GRIP1: variants seen among roughly 807,000 people sequenced by gnomAD.
GRIP1 encodes the protein glutamate receptor interacting protein 1, also known as glutamate receptor-interacting protein 1.
A neutral mutation model predicts 129.9 loss-of-function variants in GRIP1; 45 were observed. The ratio of observed to expected loss-of-function variants is 0.35; its 90% CI spans 0.27 to 0.44. The LOEUF is 0.44. Among genes scored for constraint, GRIP1 ranks in the 20% least tolerant of loss-of-function variants. The pLI, the probability that GRIP1 is intolerant of heterozygous loss-of-function variation, is 1.00. For missense variants in GRIP1, 1,196 were observed against 1,396.8 expected (o/e 0.86, Z 2.29); for synonymous variants, 530 against 520.8 (o/e 1.02, Z -0.24).
chr12:66,762,795 G>A (rs1043855565), intron 1 of GRIP1, among the ~76,000 whole-genome samples: 11 of 152,154 alleles, frequency 7.2e-5, no homozygotes, highest in South Asian at 4.1e-4. Context: ...TGCCTTAATC[G>A]GAGCATATAC....
intron 1 of GRIP1, among the ~76,000 whole-genome samples, chr12:66,864,193 T>C (rs192365587): frequency 5.7e-4 from 86 of 152,208 alleles, no homozygotes; most frequent in Non-Finnish European, 8.7e-4. Flanking sequence ...ATTTTTTTTC[T>C]CTTTTTCTTC....
intron 1 of GRIP1, among the ~76,000 whole-genome samples, chr12:66,643,988 G>A (rs1048173790): frequency 6.6e-6 from 1 of 152,124 alleles, no homozygotes; most frequent in African/African-American, 2.4e-5. Context: ...TGGACTTACG[G>A]TCCCATATGG....
upstream of GRIP1, among the ~76,000 whole-genome samples, chr12:66,809,009 A>C (rs2039052181): frequency 6.6e-6 from 1 of 152,252 alleles, no homozygotes; most frequent in African/African-American, 2.4e-5. Context: ...ACTAAACTAT[A>C]ATATTAAATT....
intron 1 of GRIP1, among the ~76,000 whole-genome samples, chr12:66,993,451 T>C (rs2042422893): frequency 6.6e-6 from 1 of 151,898 alleles, no homozygotes; most frequent in Non-Finnish European, 1.5e-5. Flanking sequence ...TTACGAACTT[T>C]AGGCTACATT....
intron 7 of GRIP1, among the ~76,000 whole-genome samples, chr12:66,485,531 A>G (rs578116630): frequency 6.6e-6 from 1 of 152,026 alleles, no homozygotes; most frequent in South Asian, 2.1e-4. Context: ...TCCCTCTATG[A>G]CTTACCATTT....
intron 1 of GRIP1, among the ~76,000 whole-genome samples, chr12:66,606,896 C>A (rs1040128303): frequency 1.3e-5 from 2 of 151,892 alleles, no homozygotes; most frequent in African/African-American, 4.8e-5. Context: ...CTAAATTTAC[C>A]CTGGAAGCAA....
intron 1 of GRIP1, among the ~76,000 whole-genome samples, chr12:66,729,196 C>G (rs1052526721): frequency 1.3e-5 from 2 of 151,970 alleles, no homozygotes; most frequent in African/African-American, 4.8e-5. Flanking sequence ...CTAAAACATG[C>G]TAGTCTTGAC....
At chr12:66,999,955 T>C (rs919271419) in intron 1 of GRIP1, among the ~76,000 whole-genome samples, 11 of 152,194 alleles carry the variant, frequency 7.2e-5, no homozygotes, top group Admixed American at 4.6e-4. Flanking sequence ...CCAATTTTTC[T>C]TCTTCCCTCC....
intron 1 of GRIP1, among the ~76,000 whole-genome samples, chr12:66,825,815 A>G (rs12229666): frequency 0.29 from 44,251 of 152,060 alleles, 6,853 homozygotes; most frequent in Non-Finnish European, 0.35. Flanking sequence ...ATATCAATGG[A>G]ATAAAATTTT....
intron 1 of GRIP1, among the ~76,000 whole-genome samples, chr12:66,812,545 G>A (rs58486886): frequency 0.03 from 4,501 of 152,220 alleles, 218 homozygotes; most frequent in African/African-American, 0.1. Context: ...TTTATTATGC[G>A]GTAGGTGTGA....
intron 23 of GRIP1, among the ~76,000 whole-genome samples, chr12:66,368,253 T>C (rs1407221192): frequency 1.4e-5 from 2 of 147,336 alleles, no homozygotes; most frequent in African/African-American, 2.7e-5. Flanking sequence ...TTTTAGCTAT[T>C]TTTCCTCCCA....
At chr12:67,042,747 G>A (rs1282726703) in intron 1 of GRIP1, among the ~76,000 whole-genome samples, 1 of 152,198 alleles carries the variant, frequency 6.6e-6, no homozygotes, top group Non-Finnish European at 1.5e-5. Context: ...TAGAAGCAGA[G>A]ACTGAAGGGA....
chr12:66,363,390 GCCA>G (rs2054927365), intron 23 of GRIP1, among the ~76,000 whole-genome samples: 1 of 148,242 alleles, frequency 6.7e-6, no homozygotes, highest in Non-Finnish European at 1.5e-5. Context: ...ACAGGTGCGT[GCCA>G]CCACATCTGG....
At chr12:66,521,826 CT>C (rs1192065191) in intron 5 of GRIP1, among the ~76,000 whole-genome samples, 2 of 152,210 alleles carry the variant, frequency 1.3e-5, no homozygotes, top group Non-Finnish European at 2.9e-5. Flanking sequence ...TTCCAACGGG[CT>C]TAAAAAACAG....
At chr12:66,769,863 A>G (rs2037763706) in intron 1 of GRIP1, among the ~76,000 whole-genome samples, 1 of 152,198 alleles carries the variant, frequency 6.6e-6, no homozygotes, top group Admixed American at 6.5e-5. Flanking sequence ...CACCTTGCTG[A>G]CACTCTCAGG....
intron 1 of GRIP1, among the ~76,000 whole-genome samples, chr12:67,051,402 C>A (rs1363754672): frequency 6.6e-6 from 1 of 152,136 alleles, no homozygotes; most frequent in Non-Finnish European, 1.5e-5. Context: ...TAACTAGCAC[C>A]ATGTTCCTAA....
chr12:66,580,244 G>A (rs1487664965), intron 2 of GRIP1, among the ~76,000 whole-genome samples: 1,994 of 145,314 alleles, frequency 0.014, 50 homozygotes, highest in African/African-American at 0.049. Flanking sequence ...CCCTAAAAGA[G>A]CTCCTGAAGG....
At chr12:66,652,426 C>T (rs1407206898) in intron 1 of GRIP1, among the ~76,000 whole-genome samples, 4 of 152,322 alleles carry the variant, frequency 2.6e-5, no homozygotes, top group South Asian at 2.1e-4. Flanking sequence ...CCCAGCCACA[C>T]GGAACTGTGA....
intron 13 of GRIP1, among the ~76,000 whole-genome samples, chr12:66,443,332 A>G (rs1419291873): frequency 6.6e-6 from 1 of 151,972 alleles, no homozygotes; most frequent in Non-Finnish European, 1.5e-5. Flanking sequence ...TTTCCATTCA[A>G]TGACTCCCTC....
Sources: allele counts gnomAD v4.1 joint callset (sites outside exome capture counted in the v4.1 genomes callset), GRCh38; gene constraint gnomAD v4.1.1; transcripts MANE v1.5; gene names NCBI Gene and HGNC (gene_info 2026-07-23, HGNC 2026-07-21).